The following MAP3K13 variants were observed in gnomAD, a reference collection of about 807,000 sequenced individuals.
The protein encoded by MAP3K13 is mitogen-activated protein kinase kinase kinase 13, also known as leucine zipper-bearing kinase.
A neutral mutation model predicts 104.0 loss-of-function variants in MAP3K13; 52 were observed. That is an observed-to-expected ratio of 0.50 (90% CI 0.40 to 0.63). MAP3K13 has a LOEUF of 0.63. MAP3K13 is among the 20% of genes least tolerant of loss of function. MAP3K13 has a pLI of 0.00. For synonymous variants in MAP3K13, 394 were observed against 442.2 expected (o/e 0.89, Z 1.37); for missense variants, 914 against 1,218.5 (o/e 0.75, Z 3.72).
intron 2 of MAP3K13, among the ~76,000 whole-genome samples, chr3:185,357,098 G>GTT (rs1205660915): frequency 1.5e-4 from 22 of 147,422 alleles, no homozygotes; most frequent in South Asian, 4.3e-4. Flanking sequence ...GAGTTAAGAA[G>GTT]TTTTTTTTTT....
chr3:185,350,914 A>T (rs1723116796), intron 2 of MAP3K13, among the ~76,000 whole-genome samples: 1 of 152,226 alleles, frequency 6.6e-6, no homozygotes, highest in Non-Finnish European at 1.5e-5. Flanking sequence ...AGACACATAC[A>T]TGCATATAAT....
In MAP3K13 at chr3:185,443,434, T is replaced by C; in HGVS notation, c.660-11T>C. 1 of 1,598,866 alleles carries C rather than the reference T, an allele frequency of 6.3e-7. No homozygotes were observed. Among genetic ancestry groups the C allele is most frequent in the African/African-American group, 1.3e-5 (1 of 74,714 alleles). On this transcript the variant is annotated splice_polypyrimidine_tract_variant and intron_variant, in intron 3 of 13. Coordinates refer to ENST00000265026, the MANE Select transcript of MAP3K13 (RefSeq NM_004721.5). ...TGTGTATTGATGTACATGTTTATGT[T>C]TTCTTGGAAGGGGTGTTTGTACTCA...
At position 185,474,472 on chromosome 3, in the gene MAP3K13, T is replaced by C. The variant is rs549721803; in HGVS notation, c.2430+711T>C. 2.0e-5 allele frequency among the ~76,000 whole-genome samples: 3 copies of C among 152,368 alleles called. No homozygotes were observed. In the South Asian group the frequency reaches 6.2e-4, roughly 32 times the overall value. ...TAAGTTTAAGAAGCACAGTATTCTC[T>C]CATCCCCTCATACAGATTCCTAGGG... On this transcript the variant is annotated intron_variant, in intron 11 of 13. Coordinates refer to ENST00000265026, the MANE Select transcript of MAP3K13 (RefSeq NM_004721.5).
Position 185,473,511 on chromosome 3 carries a change from A to C in MAP3K13, c.2180A>C (p.Asp727Ala). ...GGTCCCTGGGGCTGTTGCCAGGCTG[A>C]CGCTTATGACCCCTGCCTTCAGTGC... is the stretch of plus-strand genomic sequence containing the variant. ...QAGPWGCCQA[D>A]AYDPCLQCRP... Residue 727 changes from aspartate (D) to alanine (A), a missense_variant, in exon 11 of 14, where the codon GAC becomes GCC. By Grantham distance (126) the Asp-to-Ala change is moderately radical. Transcript: ENST00000265026. The surrounding 1 kb of genome is among the most constrained non-coding windows in gnomAD (Gnocchi z 4.9). The C allele has an allele frequency of 6.2e-7, 1 of 1,614,206 alleles. No homozygotes were observed. The highest frequency in any genetic ancestry group is 8.5e-7 in the Non-Finnish European group (1 of 1,180,040).
Position 185,482,109 on chromosome 3 carries a change from T to C in MAP3K13, c.2800-246T>C, listed in dbSNP as rs1470868566. ...TAAATAAATAAATAAGTAAAGTACT[T>C]ACAACAGTGCCTGGAGCATAGTAAA... is the stretch of plus-strand genomic sequence containing the variant. On this transcript the variant is annotated intron_variant, in intron 13 of 13. Transcript: ENST00000265026. The surrounding 1 kb of genome is among the most constrained non-coding windows in gnomAD (Gnocchi z 4.5). 1.3e-5 allele frequency among the ~76,000 whole-genome samples: 2 copies of C among 152,178 alleles called. No homozygotes were observed. Among genetic ancestry groups the C allele is most frequent in the Non-Finnish European group, 2.9e-5 (2 of 68,030 alleles).
intron 2 of MAP3K13, among the ~76,000 whole-genome samples, chr3:185,349,913 A>G (rs958700971): frequency 6.6e-6 from 1 of 152,252 alleles, no homozygotes; most frequent in Non-Finnish European, 1.5e-5. Flanking sequence ...ACAGCTTAGA[A>G]GACAGGTTTC....
chr3:185,475,167 A>G (rs958303271), intron 11 of MAP3K13, among the ~76,000 whole-genome samples: 5 of 152,202 alleles, frequency 3.3e-5, no homozygotes, highest in African/African-American at 9.6e-5. Context: ...TGTCTATAAA[A>G]TGGGCCTAAT....
At chr3:185,455,659 T>TATATATGACATATATCTC in intron 7 of MAP3K13, among the ~76,000 whole-genome samples, 1 of 21,648 alleles carries the variant, frequency 4.6e-5, no homozygotes, top group African/African-American at 1.1e-4. Context: ...ATATATATGA[T>TATATATGACATATATCTC]ATATATATGA....
chr3:185,486,639 G>C lies in MAP3K13; in HGVS notation c.*4183G>C, dbSNP rs1244069701. ...CCTCACAAGACTGTGATTTCAAGCT[G>C]CTTCATTGATGGAAAGTTTCACCAT... On this transcript the variant is annotated 3_prime_UTR_variant, in exon 14 of 14. Transcript: ENST00000265026. The C allele has an allele frequency of 6.6e-6, 1 of 152,220 alleles. No homozygotes were observed. Among genetic ancestry groups the C allele is most frequent in the East Asian group, 1.9e-4 (1 of 5,204 alleles). 9.4% of individuals were successfully genotyped at this position (152,220 alleles called of 1,614,324 possible). A position where few individuals can be genotyped will look rare whatever the true frequency, so the allele number is the denominator to read the frequency against.
chr3:185,329,208 T>A (rs1186242895), intron 2 of MAP3K13: 1 of 703,006 alleles, frequency 1.4e-6, no homozygotes, highest in Non-Finnish European at 2.6e-6. Context: ...TGATTTCTAA[T>A]GTCTTATGTT....
intron 1 of MAP3K13, among the ~76,000 whole-genome samples, chr3:185,370,348 C>T (rs895619733): frequency 2.0e-5 from 3 of 152,148 alleles, no homozygotes; most frequent in African/African-American, 7.2e-5. Flanking sequence ...GCATGTGCCA[C>T]CATGCCCAGT....
chr3:185,382,723 G>A (rs1008909245), intron 1 of MAP3K13, among the ~76,000 whole-genome samples: 3 of 152,050 alleles, frequency 2.0e-5, no homozygotes, highest in East Asian at 1.9e-4. Flanking sequence ...GCCTGGTACC[G>A]GCCGGGCGCG....
At chr3:185,285,380 GTGTCAATCTGC>G (rs1720473777) in intron 1 of MAP3K13, 1 of 391,998 alleles carries the variant, frequency 2.6e-6, no homozygotes, top group African/African-American at 2.0e-5. Context: ...CTCCTGTTCA[GTGTCAATCTGC>G]TGTTCAATGT....
rs1577533356 is a variant in MAP3K13, at chr3:185,418,269, G to C, written c.-85-10228G>C. On this transcript the variant is annotated intron_variant, in intron 1 of 13. Transcript: ENST00000265026. The surrounding 1 kb of genome is among the most constrained non-coding windows in gnomAD (Gnocchi z 4.5). ...CATTCCAGGCTTTAAGTTTCTTAAG[G>C]AGCAAAACAGCTTCCTTGGTCTTCT... 1 of 1,590,766 alleles carries C rather than the reference G, an allele frequency of 6.3e-7. No individual in the cohort carries two copies. Among genetic ancestry groups the C allele is most frequent in the Non-Finnish European group, 8.6e-7 (1 of 1,160,438 alleles).
intron 2 of MAP3K13, among the ~76,000 whole-genome samples, chr3:185,356,406 G>A (rs1371572410): frequency 6.6e-6 from 1 of 152,184 alleles, no homozygotes; most frequent in Non-Finnish European, 1.5e-5. Flanking sequence ...GAGTAAGGAG[G>A]GAGGGATTGA....
intron 2 of MAP3K13, among the ~76,000 whole-genome samples, chr3:185,303,040 A>C (rs926162712): frequency 6.6e-6 from 1 of 152,162 alleles, no homozygotes; most frequent in African/African-American, 2.4e-5. Flanking sequence ...TGTTTTTATC[A>C]TGAAAGGAGA....
intron 2 of MAP3K13, among the ~76,000 whole-genome samples, chr3:185,354,243 A>G (rs935074433): frequency 6.6e-6 from 1 of 151,504 alleles, no homozygotes; most frequent in Non-Finnish European, 1.5e-5. Flanking sequence ...GGGACAGGAC[A>G]TATCTATCTG....
chr3:185,354,178 G>C (rs1441144952), intron 2 of MAP3K13, among the ~76,000 whole-genome samples: 1 of 151,836 alleles, frequency 6.6e-6, no homozygotes, highest in Non-Finnish European at 1.5e-5. Context: ...GCCTCAACTT[G>C]GGGCATCTTT....
chr3:185,302,024 G>A (rs1031332471), intron 2 of MAP3K13, among the ~76,000 whole-genome samples: 7 of 151,824 alleles, frequency 4.6e-5, no homozygotes, highest in Non-Finnish European at 7.4e-5. Flanking sequence ...ATTTTGATAG[G>A]GATTGCGTGA....
Sources: allele counts gnomAD v4.1 joint callset (sites outside exome capture counted in the v4.1 genomes callset), GRCh38; gene constraint gnomAD v4.1.1; non-coding constraint Gnocchi (gnomAD v3.1); transcripts MANE v1.5; gene names NCBI Gene and HGNC (gene_info 2026-07-23, HGNC 2026-07-21).